The following CCP110 variants were observed in gnomAD, a reference collection of about 807,000 sequenced individuals.
CCP110 encodes centriolar coiled-coil protein 110.
Under a neutral mutation model 105.5 loss-of-function variants are expected in CCP110, and 43 were observed. The observed-to-expected ratio is 0.41, with a 90% confidence interval of 0.32 to 0.53. The LOEUF (loss-of-function observed/expected upper bound fraction) is 0.53. CCP110 is among the 20% of genes least tolerant of loss of function. The probability of loss-of-function intolerance (pLI) is 0.32; values close to 1 mark genes in which losing one functional copy is unlikely to be tolerated. For missense variants in CCP110, 1,016 were observed against 1,189.1 expected (o/e 0.85, Z 2.14); for synonymous variants, 353 against 392.1 (o/e 0.90, Z 1.18).
chr16:19,535,601 C>T (rs76153307), intron 3 of CCP110, among the ~76,000 whole-genome samples: 6,179 of 152,144 alleles, frequency 0.041, 449 homozygotes, highest in African/African-American at 0.14. Context: ...AATTTAAGTG[C>T]TTGTATTCTA....
chr16:19,527,943 C>T (rs1969731356), exon 2 of CCP110: 19 of 1,613,492 alleles, frequency 1.2e-5, no homozygotes, highest in Non-Finnish European at 1.6e-5. Flanking sequence ...GCATCACTAT[C>T]CACAGAGAGC....
intron 12 of CCP110, chr16:19,547,257 A>G (rs901628490): frequency 6.6e-6 from 1 of 152,070 alleles, no homozygotes; most frequent in African/African-American, 2.4e-5. Context: ...ATACAAAAAT[A>G]AAAGATACAA....
At chr16:19,531,696 G>A (rs946616160) in intron 2 of CCP110, among the ~76,000 whole-genome samples, 6 of 152,190 alleles carry the variant, frequency 3.9e-5, no homozygotes, top group African/African-American at 1.4e-4. Context: ...GGCCAGGCGC[G>A]GTGGCTCGCG....
exon 6 of CCP110, chr16:19,542,026 A>G (rs1201092647): frequency 1.3e-6 from 2 of 1,598,782 alleles, no homozygotes; most frequent in South Asian, 2.3e-5. Context: ...ATGCTGTCTC[A>G]AGCGGACTCA....
At position 19,548,174 on chromosome 16, in the gene CCP110, A is replaced by G; in HGVS notation, c.2900+160A>G. ...AAGATATTTTAAAGTTTTGTCTTCAAATGTAACCCTCTTGGTGTACTGTTG... is the reference window on the plus strand; with the variant it reads ...AAGATATTTTAAAGTTTTGTCTTCAGATGTAACCCTCTTGGTGTACTGTTG... On this transcript the variant is annotated intron_variant, in intron 13 of 14. Transcript: ENST00000381396. The surrounding 1 kb of genome is among the most constrained non-coding windows in gnomAD (Gnocchi z 4.1). 2.9e-6 allele frequency: 2 copies of G among 679,840 alleles called. No individual in the cohort carries two copies. The highest frequency in any genetic ancestry group is 5.3e-6 in the Non-Finnish European group (2 of 379,410). 42.1% of individuals were successfully genotyped at this position (679,840 alleles called of 1,614,324 possible). A position where few individuals can be genotyped will look rare whatever the true frequency, so the allele number is the denominator to read the frequency against.
chr16:19,530,712 G>C (rs1969836029), intron 2 of CCP110, among the ~76,000 whole-genome samples: 1 of 151,896 alleles, frequency 6.6e-6, no homozygotes, highest in South Asian at 2.1e-4. Flanking sequence ...CCAGCACTTT[G>C]GGAGCCCGAG....
intron 2 of CCP110, among the ~76,000 whole-genome samples, chr16:19,532,058 C>T (rs773727673): frequency 1.3e-5 from 2 of 152,044 alleles, no homozygotes; most frequent in African/African-American, 4.8e-5. Context: ...CCAAAAGGGC[C>T]TTAATTTTAT....
Position 19,548,954 on chromosome 16 carries a change from C to T in CCP110, c.2986+354C>T, listed in dbSNP as rs1253318037. ...CTAAGTCTGTGCATTGTCTGTTCAG[C>T]TTGGGGAAGTGTATCTGCACATAAG... On this transcript the variant is annotated intron_variant, in intron 14 of 14. Coordinates refer to ENST00000381396, the Ensembl canonical transcript of CCP110. This position sits in a 1 kb window ranked among gnomAD's most constrained non-coding sequence, Gnocchi z 4.1. Among the ~76,000 whole-genome samples the T allele has an allele frequency of 6.6e-6, 1 of 152,116 alleles. No homozygotes were observed. The highest frequency in any genetic ancestry group is 2.4e-5 in the African/African-American group (1 of 41,416).
At chr16:19,533,112 A>C (rs1969931287) in intron 3 of CCP110, among the ~76,000 whole-genome samples, 1 of 152,274 alleles carries the variant, frequency 6.6e-6, no homozygotes, top group Non-Finnish European at 1.5e-5. Flanking sequence ...TGTACTAAAA[A>C]GAAAAACAAA....
At chr16:19,540,611 T>C in intron 4 of CCP110, 46 bp from the exon 5 acceptor site, 1 of 1,528,536 alleles carries the variant, frequency 6.5e-7, no homozygotes, top group Non-Finnish European at 9.0e-7. Context: ...ATATCAGACA[T>C]TAGACTTGTG....
Position 19,536,487 on chromosome 16 carries a change from G to A in CCP110, c.818G>A (p.Cys273Tyr). The A allele has an allele frequency of 8.7e-6, 14 of 1,614,084 alleles. No individual in the cohort carries two copies. Among genetic ancestry groups the A allele is most frequent in the African/African-American group, 1.3e-5 (1 of 75,056 alleles). The change falls in exon 4 of 15, where the codon TGT becomes TAT. Residue 273 changes from cysteine to tyrosine, a missense_variant. Coordinates refer to ENST00000381396, the Ensembl canonical transcript of CCP110. ...CATGATGCTGTTGAAGTGGCTGACTGTGTAAAAGAGAAAGGCCAGTTGACA... is the reference window on the plus strand; with the variant it reads ...CATGATGCTGTTGAAGTGGCTGACTATGTAAAAGAGAAAGGCCAGTTGACA...
At chr16:19,542,230 A>T (rs958712841) in intron 6 of CCP110, among the ~76,000 whole-genome samples, 166 bp downstream of exon 6, 6 of 152,202 alleles carry the variant, frequency 3.9e-5, no homozygotes, top group African/African-American at 1.2e-4. Flanking sequence ...GAGATCAAAG[A>T]CTTGTGAGCA....
intron 8 of CCP110, 108 bp from the exon 9 acceptor site, chr16:19,544,689 T>C: frequency 1.5e-6 from 1 of 668,418 alleles, no homozygotes; most frequent in South Asian, 1.9e-5. Context: ...CCACAGATAC[T>C]GACGAAAGAC....
Position 19,548,508 on chromosome 16 carries a change from C to T in CCP110, c.2901-7C>T. On this transcript the variant is annotated splice_region_variant and splice_polypyrimidine_tract_variant and intron_variant, in intron 13 of 14. Transcript: ENST00000381396. The surrounding 1 kb of genome is among the most constrained non-coding windows in gnomAD (Gnocchi z 4.1). ...AGTGACTTATTAATTTTTTTATATT[C>T]AATTAGAACCCCTAAGACATCAGTG... 1.3e-6 allele frequency: 2 copies of T among 1,514,296 alleles called. No homozygotes were observed. The highest frequency in any genetic ancestry group is 1.8e-6 in the Non-Finnish European group (2 of 1,126,504). The allele number at this position is 1,514,296 out of a possible 1,614,324, so 93.8% of individuals were successfully genotyped here. A position where few individuals can be genotyped will look rare whatever the true frequency, so the allele number is the denominator to read the frequency against.
chr16:19,528,738 C>G (rs1969761757), intron 2 of CCP110, among the ~76,000 whole-genome samples: 1 of 152,082 alleles, frequency 6.6e-6, no homozygotes, highest in South Asian at 2.1e-4. Flanking sequence ...TCTATAAAAA[C>G]ATGTTAAAAA....
chr16:19,543,824 T>C (rs1259697035), intron 8 of CCP110, among the ~76,000 whole-genome samples: 1 of 152,174 alleles, frequency 6.6e-6, no homozygotes, highest in Non-Finnish European at 1.5e-5. Context: ...AATTCCACCC[T>C]GGTAAATTTG....
At chr16:19,546,506 C>A in intron 12 of CCP110, 32 bp downstream of exon 12, 1 of 1,355,704 alleles carries the variant, frequency 7.4e-7, no homozygotes, top group Non-Finnish European at 1.0e-6. Context: ...TAATGAGAGG[C>A]TTTTTGTTTT....
chr16:19,550,554 A>G (rs1275525512), intron 14 of CCP110, among the ~76,000 whole-genome samples: 3 of 152,188 alleles, frequency 2.0e-5, no homozygotes, highest in Non-Finnish European at 4.4e-5. Context: ...TCTTGAAAAG[A>G]TTACTCTTTC....
chr16:19,549,763 G>A (rs1467709085), intron 14 of CCP110, among the ~76,000 whole-genome samples: 1 of 152,220 alleles, frequency 6.6e-6, no homozygotes, highest in Non-Finnish European at 1.5e-5. Context: ...AACTTAGCAA[G>A]TTGGAAAATC....
Sources: gnomAD v4.1 joint callset for allele counts (sites outside exome capture counted in the v4.1 genomes callset) on GRCh38, gnomAD v4.1.1 for gene constraint, Gnocchi (gnomAD v3.1) non-coding constraint, MANE v1.5 for transcripts, NCBI Gene and HGNC (gene_info 2026-07-23, HGNC 2026-07-21) for gene names.